The following UBE2V1 variants were observed in gnomAD, a reference collection of about 807,000 sequenced individuals.
The protein encoded by UBE2V1 is ubiquitin-conjugating enzyme E2 variant 1.
UBE2V1 carries 15 observed loss-of-function variants against 19.6 expected under a neutral mutation model. That is an observed-to-expected ratio of 0.77 (90% confidence interval 0.51 to 1.18). The LOEUF is 1.18. Among genes scored for constraint, UBE2V1 ranks in the 50% most tolerant of loss-of-function variants. The probability of loss-of-function intolerance (pLI) is 0.00; values close to 1 mark genes in which losing one functional copy is unlikely to be tolerated. For synonymous variants in UBE2V1, 60 were observed against 60.7 expected (o/e 0.99, Z 0.05); for missense variants, 125 against 184.8 (o/e 0.68, Z 1.88).
intron 1 of UBE2V1, chr20:50,099,037 A>G: frequency 1.1e-6 from 1 of 921,154 alleles, no homozygotes; most frequent in Non-Finnish European, 1.3e-6. Context: ...ACTATTGTTC[A>G]GAAAGGGTTC....
At chr20:50,106,122 T>G (rs1390661097) in intron 1 of UBE2V1, among the ~76,000 whole-genome samples, 1 of 151,932 alleles carries the variant, frequency 6.6e-6, no homozygotes, top group Non-Finnish European at 1.5e-5. Context: ...AAAAAAAAAC[T>G]TCATCAAGGT....
intron 1 of UBE2V1, among the ~76,000 whole-genome samples, chr20:50,109,440 G>T (rs1037966189): frequency 6.6e-6 from 1 of 151,944 alleles, no homozygotes; most frequent in African/African-American, 2.4e-5. Context: ...AATTAACCTT[G>T]GTAATCCCTT....
At chr20:50,102,654 AG>A (rs2080079517) in intron 1 of UBE2V1, among the ~76,000 whole-genome samples, 1 of 152,128 alleles carries the variant, frequency 6.6e-6, no homozygotes, top group African/African-American at 2.4e-5. Context: ...AGCTTCCCAA[AG>A]TGCTGGGATT....
chr20:50,107,780 A>G (rs2080484312), intron 1 of UBE2V1, among the ~76,000 whole-genome samples: 1 of 152,244 alleles, frequency 6.6e-6, no homozygotes, highest in Non-Finnish European at 1.5e-5. Context: ...CTAGGGACAC[A>G]ACAGAAGTTG....
At chr20:50,108,969 A>T in intron 1 of UBE2V1, 1 of 985,454 alleles carries the variant, frequency 1.0e-6, no homozygotes, top group Non-Finnish European at 1.2e-6. Context: ...CCCTAAATCC[A>T]TGCCTTTTCC....
chr20:50,112,921 C>G (rs2904252), intron 1 of UBE2V1, among the ~76,000 whole-genome samples, 186 bp downstream of exon 1: 2 of 152,176 alleles, frequency 1.3e-5, no homozygotes, highest in Non-Finnish European at 2.9e-5. Context: ...CTCAGCCCCC[C>G]GCCCGTGCTT....
chr20:50,113,658 T>G (rs1198163957), upstream of UBE2V1, among the ~76,000 whole-genome samples: 4 of 152,324 alleles, frequency 2.6e-5, no homozygotes, highest in Non-Finnish European at 4.4e-5. Flanking sequence ...TCAGATGATC[T>G]GGCTCCTAGG....
chr20:50,094,281 A>ATTATATAATATATAATGCC (rs2079487766), intron 2 of UBE2V1, among the ~76,000 whole-genome samples: 1 of 140,544 alleles, frequency 7.1e-6, no homozygotes, highest in Admixed American at 7.4e-5. Context: ...TATATAATGC[A>ATTATATAATATATAATGCC]TTATATAATA....
intron 1 of UBE2V1, among the ~76,000 whole-genome samples, 175 bp from the exon 2 acceptor site, chr20:50,096,995 C>T (rs542929706): frequency 1.3e-5 from 2 of 152,288 alleles, no homozygotes; most frequent in African/African-American, 4.8e-5. Context: ...TCAACCAGCA[C>T]AACCAGAGGG....
At chr20:50,091,822 T>C (rs1195372242) in intron 2 of UBE2V1, among the ~76,000 whole-genome samples, 2 of 152,208 alleles carry the variant, frequency 1.3e-5, no homozygotes, top group African/African-American at 4.8e-5. Flanking sequence ...TAAAAAGATA[T>C]ATATTTACGT....
At chr20:50,110,210 G>T (rs2080664522) in intron 1 of UBE2V1, among the ~76,000 whole-genome samples, 2 of 152,216 alleles carry the variant, frequency 1.3e-5, no homozygotes, top group Admixed American at 1.3e-4. Flanking sequence ...ACTATTTGAT[G>T]TGCTGCAATC....
At chr20:50,096,613 TA>T in intron 2 of UBE2V1, 58 bp downstream of exon 2, 1 of 1,607,632 alleles carries the variant, frequency 6.2e-7, no homozygotes. Flanking sequence ...TAATATTTTT[TA>T]AAAGGAGGCA....
At chr20:50,091,880 T>G (rs2079253269) in intron 2 of UBE2V1, among the ~76,000 whole-genome samples, 1 of 152,214 alleles carries the variant, frequency 6.6e-6, no homozygotes, top group Non-Finnish European at 1.5e-5. Flanking sequence ...CACACCAACT[T>G]AAGTTTCATT....
chr20:50,109,747 C>CAAAAAA (rs11468343), intron 1 of UBE2V1, among the ~76,000 whole-genome samples: 2 of 89,592 alleles, frequency 2.2e-5, no homozygotes, highest in African/African-American at 4.2e-5. Flanking sequence ...AACTCCGTCT[C>CAAAAAA]AAAAAAAAAA....
chr20:50,113,256 G>T (rs1237648166), upstream of UBE2V1: 6 of 701,260 alleles, frequency 8.6e-6, no homozygotes, highest in South Asian at 5.5e-5. Context: ...AGACCTGCAC[G>T]ACCCGTGGCC....
intron 1 of UBE2V1, chr20:50,099,125 G>T: frequency 4.2e-6 from 1 of 238,608 alleles, no homozygotes; most frequent in Non-Finnish European, 6.8e-6. Context: ...TTACAAGCCT[G>T]CACTAATAAA....
At chr20:50,090,742 T>A (rs1349652406) in intron 2 of UBE2V1, among the ~76,000 whole-genome samples, 5 of 152,154 alleles carry the variant, frequency 3.3e-5, no homozygotes, top group Non-Finnish European at 7.4e-5. Context: ...GTGACTACAG[T>A]TAATAATACT....
intron 1 of UBE2V1, among the ~76,000 whole-genome samples, chr20:50,098,298 C>T (rs1446937550): frequency 6.6e-6 from 1 of 152,106 alleles, no homozygotes; most frequent in Non-Finnish European, 1.5e-5. Context: ...TAGCTCAAAC[C>T]AAGTGAGGAA....
intron 1 of UBE2V1, among the ~76,000 whole-genome samples, chr20:50,109,958 T>C (rs1045902431): frequency 1.3e-5 from 2 of 152,214 alleles, no homozygotes; most frequent in Non-Finnish European, 2.9e-5. Context: ...TAAGGGACTG[T>C]GAGTTTTCAT....
Sources: gnomAD v4.1 joint callset for allele counts (sites outside exome capture counted in the v4.1 genomes callset) on GRCh38, gnomAD v4.1.1 for gene constraint, MANE v1.5 for transcripts, NCBI Gene and HGNC (gene_info 2026-07-23, HGNC 2026-07-21) for gene names.